CMIP: variants seen among roughly 807,000 people sequenced by gnomAD.
CMIP encodes the protein c-Maf inducing protein, also known as C-Maf-inducing protein.
A neutral mutation model predicts 97.3 loss-of-function variants in CMIP; 13 were observed. That is an observed-to-expected ratio of 0.13 (90% CI 0.09 to 0.21). CMIP has a LOEUF of 0.21. Among genes scored for constraint, CMIP ranks in the 10% least tolerant of loss-of-function variants. The probability of loss-of-function intolerance (pLI) is 1.00; values close to 1 mark genes in which losing one functional copy is unlikely to be tolerated. For missense variants in CMIP, 847 were observed against 1,024.9 expected (o/e 0.83, Z 2.37); for synonymous variants, 538 against 436.3 (o/e 1.23, Z -2.91).
At chr16:81,511,890 A>G (rs2089817811) in intron 1 of CMIP, among the ~76,000 whole-genome samples, 1 of 152,186 alleles carries the variant, frequency 6.6e-6, no homozygotes, top group African/African-American at 2.4e-5. Flanking sequence ...TGTGCTGTCC[A>G]ATACCACGGC....
intron 7 of CMIP, chr16:81,666,576 G>T (rs2092605534): frequency 6.6e-6 from 1 of 152,086 alleles, no homozygotes; most frequent in South Asian, 2.1e-4. Context: ...AGTATCTGTG[G>T]CAGTCTGGCA....
At chr16:81,707,251 C>A (rs773161578) in intron 20 of CMIP, among the ~76,000 whole-genome samples, 167 bp downstream of exon 20, 19 of 152,196 alleles carry the variant, frequency 1.2e-4, no homozygotes, top group Non-Finnish European at 1.9e-4. Flanking sequence ...GAGGAAGCAG[C>A]AGGGAAGTAA....
Position 81,678,595 on chromosome 16 carries a change from C to G in CMIP, c.1355C>G (p.Thr452Arg), listed in dbSNP as rs369769411. Residue 452 changes from threonine to arginine, a missense_variant, in exon 10 of 21, where the codon ACG becomes AGG. Physicochemically the swap from Thr to Arg is moderately conservative, Grantham distance 71 (BLOSUM62 -1). Around this residue, in one of 4 missense-constraint regions of CMIP, gnomAD observed 202 missense variants for 168.7 expected, o/e 1.20. Coordinates refer to ENST00000537098, the MANE Select transcript of CMIP (RefSeq NM_198390.3). ...SIELGPQADRTLGCYVEILKL... is the reference protein window; with the variant it reads ...SIELGPQADRRLGCYVEILKL... ...GAGCTGGGCCCCCAGGCCGACCGCA[C>G]GCTCGGCTGCTACGTGGAAATCCTC... 2.5e-6 allele frequency: 4 copies of G among 1,596,172 alleles called. No homozygotes were observed. The highest frequency in any genetic ancestry group is 3.4e-6 in the Non-Finnish European group (4 of 1,169,596).
rs750772578 is a variant in CMIP, at chr16:81,693,152, T to C, written c.1455-6T>C. 1.2e-5 allele frequency: 20 copies of C among 1,612,866 alleles called. No homozygotes were observed. Among genetic ancestry groups the C allele is most frequent in the Non-Finnish European group, 1.7e-5 (20 of 1,178,938 alleles). On this transcript the variant is annotated splice_polypyrimidine_tract_variant and splice_region_variant and intron_variant, in intron 11 of 20. Coordinates refer to ENST00000537098, the MANE Select transcript of CMIP (RefSeq NM_198390.3). Reference sequence around the variant, plus strand: ...ACCGCCGTGTTTTCCCCTGTTTTTGTTGCAGAGCTCTCGCACATGAGAAGT... The same window carrying C: ...ACCGCCGTGTTTTCCCCTGTTTTTGCTGCAGAGCTCTCGCACATGAGAAGT...
intron 1 of CMIP, among the ~76,000 whole-genome samples, chr16:81,548,353 C>T (rs1443445550): frequency 6.6e-6 from 1 of 152,084 alleles, no homozygotes; most frequent in Non-Finnish European, 1.5e-5. Context: ...AGGCTGTTCT[C>T]GAACTCCTGA....
At chr16:81,555,924 A>C (rs1408820521) in intron 1 of CMIP, among the ~76,000 whole-genome samples, 1 of 152,196 alleles carries the variant, frequency 6.6e-6, no homozygotes, top group Non-Finnish European at 1.5e-5. Context: ...AGCTGTGAGC[A>C]TGAGAGCTAG....
intron 1 of CMIP, among the ~76,000 whole-genome samples, chr16:81,538,094 C>T (rs1315320325): frequency 6.6e-6 from 1 of 152,256 alleles, no homozygotes; most frequent in Non-Finnish European, 1.5e-5. Flanking sequence ...CCCTGTAACC[C>T]TGTGAGGTAG....
intron 1 of CMIP, among the ~76,000 whole-genome samples, chr16:81,549,966 C>T (rs2090621461): frequency 1.3e-5 from 2 of 152,166 alleles, no homozygotes; most frequent in South Asian, 2.1e-4. Context: ...AAGCCTGTGC[C>T]GTCCAAGTGC....
intron 10 of CMIP, among the ~76,000 whole-genome samples, chr16:81,688,885 A>T (rs1905731870): frequency 6.6e-6 from 1 of 151,882 alleles, no homozygotes; most frequent in Admixed American, 6.6e-5. Context: ...TTCAGTTCCC[A>T]CCTATGAGTG....
chr16:81,616,476 G>A lies in CMIP; in HGVS notation c.427-4400G>A, dbSNP rs1019195490. The stretch of plus-strand genomic sequence containing the variant: ...GGAGGTGTGTGTGAGCATTTCTCGT[G>A]GTGCCTGGTACCGAGTAAGCACCCG... On this transcript the variant is annotated intron_variant, in intron 2 of 20. Transcript: ENST00000537098. This position sits in a 1 kb window ranked among gnomAD's most constrained non-coding sequence, Gnocchi z 4.7. 6.6e-6 allele frequency among the ~76,000 whole-genome samples: 1 copy of A among 152,210 alleles called. No homozygotes were observed. The highest frequency in any genetic ancestry group is 2.4e-5 in the African/African-American group (1 of 41,462).
At chr16:81,666,254 C>T (rs1028440648) in intron 7 of CMIP, 1 of 152,198 alleles carries the variant, frequency 6.6e-6, no homozygotes, top group Admixed American at 6.5e-5. Flanking sequence ...AAAGGTTCTT[C>T]AGGTTTTCTT....
chr16:81,494,552 T>C (rs2089456400), intron 1 of CMIP, among the ~76,000 whole-genome samples: 1 of 152,070 alleles, frequency 6.6e-6, no homozygotes. Flanking sequence ...GGAAGCACGG[T>C]ATCAAAGAGG....
chr16:81,523,043 C>T (rs577445790), intron 1 of CMIP, among the ~76,000 whole-genome samples: 1 of 152,208 alleles, frequency 6.6e-6, no homozygotes, highest in African/African-American at 2.4e-5. Context: ...CCTCCCACCT[C>T]AGCCCCCCAA....
rs974950910 is a variant in CMIP, at chr16:81,710,630, C to T, written c.*831C>T. The T allele has an allele frequency of 1.3e-5, 2 of 152,152 alleles. No homozygotes were observed. Among genetic ancestry groups the T allele is most frequent in the Non-Finnish European group, 2.9e-5 (2 of 68,014 alleles). The allele number at this position is 152,152 out of a possible 1,614,324, so 9.4% of individuals were successfully genotyped here. A position where few individuals can be genotyped will look rare whatever the true frequency, so the allele number is the denominator to read the frequency against. ...CTCTCTCGTCTGTCTGTCTGTCTGC[C>T]CACTCCCCCACCCACCACTGTGCGT... On this transcript the variant is annotated 3_prime_UTR_variant, in exon 21 of 21. Coordinates refer to ENST00000537098, the MANE Select transcript of CMIP (RefSeq NM_198390.3).
chr16:81,465,929 C>T (rs1267273867), intron 1 of CMIP, among the ~76,000 whole-genome samples: 2 of 152,188 alleles, frequency 1.3e-5, no homozygotes, highest in African/African-American at 4.8e-5. Flanking sequence ...TCGTTCCAGT[C>T]GGGGAGACAA....
At chr16:81,669,738 C>T (rs1302142601) in intron 7 of CMIP, among the ~76,000 whole-genome samples, 1 of 151,082 alleles carries the variant, frequency 6.6e-6, no homozygotes, top group East Asian at 2.1e-4. Context: ...CACCTCCTTC[C>T]ACACCCACCT....
chr16:81,456,263 C>T (rs1450501794), intron 1 of CMIP, among the ~76,000 whole-genome samples: 1 of 152,190 alleles, frequency 6.6e-6, no homozygotes, highest in Non-Finnish European at 1.5e-5. Flanking sequence ...ATGACCATTT[C>T]CTCCAGTCAT....
chr16:81,539,175 C>G (rs1307397207), intron 1 of CMIP, among the ~76,000 whole-genome samples: 1 of 152,098 alleles, frequency 6.6e-6, no homozygotes, highest in Admixed American at 6.6e-5. Flanking sequence ...TTGGGTGTAG[C>G]CTCCTGTGAG....
At chr16:81,575,986 T>C (rs1264852426) in intron 1 of CMIP, among the ~76,000 whole-genome samples, 1 of 152,230 alleles carries the variant, frequency 6.6e-6, no homozygotes. Flanking sequence ...CTGGTTGCGC[T>C]AAGCAGTCAC....
Sources: allele counts gnomAD v4.1 joint callset (sites outside exome capture counted in the v4.1 genomes callset), GRCh38; gene constraint gnomAD v4.1.1; regional missense constraint gnomAD v4.1.1; non-coding constraint Gnocchi (gnomAD v3.1); transcripts MANE v1.5; gene names NCBI Gene and HGNC (gene_info 2026-07-23, HGNC 2026-07-21).